KCNIP4: variants seen among roughly 807,000 people sequenced by gnomAD.
KCNIP4 encodes the protein potassium voltage-gated channel interacting protein 4, also known as Kv channel-interacting protein 4.
In KCNIP4, 12 loss-of-function variants were observed where a neutral mutation model predicts 34.0. The observed-to-expected ratio is 0.35, with a 90% CI of 0.23 to 0.57. The LOEUF (loss-of-function observed/expected upper bound fraction) is 0.57, where lower values mean the gene tolerates loss of function less well. Ranked by LOEUF, KCNIP4 falls within the 20% of genes least tolerant of loss-of-function variation. KCNIP4 has a pLI of 0.83. For synonymous variants in KCNIP4, 124 were observed against 102.2 expected, an observed-to-expected ratio of 1.21 and a Z score of -1.29; for missense variants, 238 against 311.7, an observed-to-expected ratio of 0.76 and a Z score of 1.78.
intron 1 of KCNIP4, among the ~76,000 whole-genome samples, chr4:21,578,880 C>T (rs1196991370): frequency 2.6e-5 from 4 of 152,176 alleles, no homozygotes; most frequent in African/African-American, 9.7e-5. Context: ...GTACATTTGT[C>T]TTGCATACGG....
rs948683563 is a variant in KCNIP4 at position 20,880,632 on chromosome 4, A to T, written c.163+1976T>A. The stretch of plus-strand genomic sequence containing the variant: ...GACAATTTTCTACTTCTCTACGTGA[A>T]TACAGAGATCCATTTGAAAGTTACA... On this transcript the variant is annotated intron_variant, in intron 2 of 8. Transcript: ENST00000382152. Among the ~76,000 whole-genome samples, 111 of 152,300 alleles carry T rather than the reference A, an allele frequency of 7.3e-4. 1 individual carries two copies. The highest frequency in any genetic ancestry group is 2.6e-3 in the African/African-American group (108 of 41,556).
chr4:21,033,463 G>A (rs1741180259), intron 1 of KCNIP4, among the ~76,000 whole-genome samples: 2 of 152,148 alleles, frequency 1.3e-5, no homozygotes, highest in Admixed American at 1.3e-4. Flanking sequence ...GAAACCTTTA[G>A]TAAATATCCA....
intron 1 of KCNIP4, among the ~76,000 whole-genome samples, chr4:21,260,191 G>A (rs1379072653): frequency 6.6e-6 from 1 of 152,078 alleles, no homozygotes; most frequent in Non-Finnish European, 1.5e-5. Flanking sequence ...GGCTTTAAGC[G>A]GCTATGCCTT....
chr4:21,321,869 C>A, intron 1 of KCNIP4, among the ~76,000 whole-genome samples: 1 of 73,010 alleles, frequency 1.4e-5, no homozygotes, highest in Admixed American at 1.8e-4. Flanking sequence ...AAGGAAAAAG[C>A]AAGGAAGGAA....
rs1032606308 is a variant in KCNIP4, at chr4:21,424,691, C to T, written c.61+523880G>A. ...ATTCTTACAAAATATAAGATTTCTA[C>T]AAAACCTAAGATTTATAAAATCTAA... On this transcript the variant is annotated intron_variant, in intron 1 of 8. Coordinates refer to ENST00000382152, the MANE Select transcript of KCNIP4 (RefSeq NM_025221.6). Among the ~76,000 whole-genome samples, 5 of 152,234 alleles carry T rather than the reference C, an allele frequency of 3.3e-5. No individual in the cohort carries two copies. In the East Asian group the frequency reaches 7.7e-4, roughly 24 times the overall value.
intron 1 of KCNIP4, among the ~76,000 whole-genome samples, chr4:20,891,239 T>C (rs1251517354): frequency 6.6e-6 from 1 of 152,190 alleles, no homozygotes; most frequent in Non-Finnish European, 1.5e-5. Context: ...ATTTTAAGCC[T>C]GTAGAAGTCT....
At chr4:21,563,102 A>G (rs1305654909) in intron 1 of KCNIP4, among the ~76,000 whole-genome samples, 1 of 152,070 alleles carries the variant, frequency 6.6e-6, no homozygotes, top group African/African-American at 2.4e-5. Flanking sequence ...TACAGATGTT[A>G]TAACTAAAGG....
chr4:21,804,164 T>G lies in KCNIP4; in HGVS notation c.61+144407A>C, dbSNP rs115517735. Among the ~76,000 whole-genome samples, 1,197 of 152,366 alleles carry G rather than the reference T, an allele frequency of 7.9e-3. 16 individuals carry two copies. The highest frequency in any genetic ancestry group is 0.027 in the African/African-American group (1,132 of 41,584). On this transcript the variant is annotated intron_variant, in intron 1 of 8. Transcript: ENST00000382152. ...ATGCTGAAAAGCAAGGCCAATTCTA[T>G]GACTGGGTATCTTAGTAGTTTTCAT...
chr4:21,450,267 A>G (rs1191181814), intron 1 of KCNIP4, among the ~76,000 whole-genome samples: 14 of 152,160 alleles, frequency 9.2e-5, no homozygotes, highest in Admixed American at 8.5e-4. Flanking sequence ...TTCTGACTAT[A>G]CTATAGTAAA....
chr4:21,792,021 A>C (rs1426402199), intron 1 of KCNIP4, among the ~76,000 whole-genome samples: 3 of 148,760 alleles, frequency 2.0e-5, no homozygotes, highest in Non-Finnish European at 4.4e-5. Flanking sequence ...AAAAAAAAAA[A>C]AAAAAAAACC....
intron 1 of KCNIP4, among the ~76,000 whole-genome samples, chr4:21,805,948 G>T (rs1721267095): frequency 1.3e-5 from 2 of 152,194 alleles, no homozygotes; most frequent in African/African-American, 4.8e-5. Context: ...AAATGAATGT[G>T]TCAAGAATGT....
intron 3 of KCNIP4, among the ~76,000 whole-genome samples, chr4:20,795,301 G>A (rs750202191): frequency 4.6e-5 from 7 of 152,024 alleles, no homozygotes; most frequent in Non-Finnish European, 8.8e-5. Context: ...GTGAAATGGT[G>A]CCTCAGCAAC....
intron 1 of KCNIP4, among the ~76,000 whole-genome samples, chr4:21,169,263 C>T (rs944587660): frequency 6.6e-6 from 1 of 152,092 alleles, no homozygotes; most frequent in Non-Finnish European, 1.5e-5. Flanking sequence ...AGTGATCCTC[C>T]TGCCTCAGCC....
intron 1 of KCNIP4, among the ~76,000 whole-genome samples, chr4:20,931,091 T>A (rs1594944): frequency 0.18 from 26,773 of 151,900 alleles, 2,454 homozygotes; most frequent in East Asian, 0.26. Flanking sequence ...TGCACTCCCA[T>A]GCTCATTGCA....
At chr4:20,783,616 C>T (rs1711539723) in intron 3 of KCNIP4, among the ~76,000 whole-genome samples, 1 of 152,184 alleles carries the variant, frequency 6.6e-6, no homozygotes, top group African/African-American at 2.4e-5. Flanking sequence ...CACTGGGTCG[C>T]TCCCACAACA....
chr4:20,802,524 A>C (rs1033536433), intron 3 of KCNIP4, among the ~76,000 whole-genome samples: 1 of 152,130 alleles, frequency 6.6e-6, no homozygotes, highest in Non-Finnish European at 1.5e-5. Context: ...CATATACAAA[A>C]CTGTCCATCT....
Position 21,616,223 on chromosome 4 carries a change from C to G in KCNIP4, c.61+332348G>C, listed in dbSNP as rs945246546. Among the ~76,000 whole-genome samples the G allele has an allele frequency of 3.9e-5, 6 of 152,260 alleles. 1 individual carries two copies. In the South Asian group the frequency reaches 1.2e-3, roughly 32 times the overall value. Reference sequence around the variant, plus strand: ...GAAGTGTTCTTCCTCTAATGTTTTTCCAAGACTGATACCATTATCTTCTTC... The same window carrying G: ...GAAGTGTTCTTCCTCTAATGTTTTTGCAAGACTGATACCATTATCTTCTTC... On this transcript the variant is annotated intron_variant, in intron 1 of 8. Transcript: ENST00000382152.
chr4:21,613,483 C>G (rs1329998169), intron 1 of KCNIP4: 1 of 152,176 alleles, frequency 6.6e-6, no homozygotes, highest in Admixed American at 6.5e-5. Flanking sequence ...AAAGCCTTTA[C>G]ATGGATGCAA....
At chr4:21,334,618 C>G (rs1360947168) in intron 1 of KCNIP4, among the ~76,000 whole-genome samples, 2 of 152,022 alleles carry the variant, frequency 1.3e-5, no homozygotes, top group African/African-American at 4.8e-5. Context: ...AATCTAACAT[C>G]AGAATGTTTT....
Sources: allele counts gnomAD v4.1 joint callset (sites outside exome capture counted in the v4.1 genomes callset), GRCh38; gene constraint gnomAD v4.1.1; transcripts MANE v1.5; gene names NCBI Gene and HGNC (gene_info 2026-07-23, HGNC 2026-07-21).